GABRB3: variants seen among roughly 807,000 people sequenced by gnomAD.
The protein encoded by GABRB3 is gamma-aminobutyric acid type A receptor subunit beta3, also known as gamma-aminobutyric acid receptor subunit beta-3.
A neutral mutation model predicts 52.1 loss-of-function variants in GABRB3; 14 were observed. That is an observed-to-expected ratio of 0.27 (90% confidence interval 0.18 to 0.42). The LOEUF (loss-of-function observed/expected upper bound fraction) is 0.42, where lower values mean the gene tolerates loss of function less well. Among genes scored for constraint, GABRB3 ranks in the 10% least tolerant of loss-of-function variants. The pLI, the probability that GABRB3 is intolerant of heterozygous loss-of-function variation, is 1.00. For missense variants in GABRB3, 307 were observed against 609.1 expected (o/e 0.50, Z 5.22); for synonymous variants, 260 against 232.3 (o/e 1.12, Z -1.08).
intron 3 of GABRB3, among the ~76,000 whole-genome samples, chr15:26,630,708 A>G (rs984111158): frequency 5.3e-5 from 8 of 152,218 alleles, no homozygotes; most frequent in Admixed American, 5.2e-4. Context: ...TTTGGGGATC[A>G]TAAAGCCCTT....
At chr15:26,714,032 C>T (rs534944449) in intron 3 of GABRB3, among the ~76,000 whole-genome samples, 14 of 152,300 alleles carry the variant, frequency 9.2e-5, no homozygotes, top group Admixed American at 8.5e-4. Flanking sequence ...AAACTCAACA[C>T]GTGCCAGCAA....
chr15:26,725,088 TC>T (rs1305005381), intron 3 of GABRB3, among the ~76,000 whole-genome samples: 2 of 152,078 alleles, frequency 1.3e-5, no homozygotes, highest in African/African-American at 4.8e-5. Context: ...TTAACTGCTG[TC>T]CCCCCATCAC....
At chr15:26,695,644 TAAAG>T (rs935429716) in intron 3 of GABRB3, among the ~76,000 whole-genome samples, 2 of 152,188 alleles carry the variant, frequency 1.3e-5, no homozygotes, top group African/African-American at 4.8e-5. Flanking sequence ...CAGATCTGTA[TAAAG>T]AAAGGGAAAG....
chr15:26,664,777 T>C (rs1246090648), intron 3 of GABRB3, among the ~76,000 whole-genome samples: 1 of 139,954 alleles, frequency 7.1e-6, no homozygotes, highest in Non-Finnish European at 1.5e-5. Flanking sequence ...CAATCTCAGC[T>C]CACCGCAACC....
chr15:26,609,083 TAC>T (rs146501591), intron 4 of GABRB3, among the ~76,000 whole-genome samples: 214 of 143,340 alleles, frequency 1.5e-3, no homozygotes, highest in South Asian at 2.5e-3. Flanking sequence ...TTTTTAATGA[TAC>T]ACACACACAC....
At chr15:26,587,323 C>G (rs186785978) in intron 4 of GABRB3, among the ~76,000 whole-genome samples, 1 of 152,282 alleles carries the variant, frequency 6.6e-6, no homozygotes, top group East Asian at 1.9e-4. Flanking sequence ...TCAGAAAACC[C>G]TCTCAGAGTG....
chr15:26,667,066 GGATT>G (rs1300890653), intron 3 of GABRB3, among the ~76,000 whole-genome samples: 1 of 152,198 alleles, frequency 6.6e-6, no homozygotes, highest in Non-Finnish European at 1.5e-5. Flanking sequence ...AACAGGACAT[GGATT>G]GATTGAGAGC....
intron 4 of GABRB3, among the ~76,000 whole-genome samples, chr15:26,594,312 T>C (rs1891317239): frequency 6.6e-6 from 1 of 152,046 alleles, no homozygotes; most frequent in Non-Finnish European, 1.5e-5. Flanking sequence ...TTCATCATTA[T>C]AATGCGGTCA....
At chr15:26,702,921 T>G (rs1391114978) in intron 3 of GABRB3, among the ~76,000 whole-genome samples, 1 of 152,218 alleles carries the variant, frequency 6.6e-6, no homozygotes, top group Non-Finnish European at 1.5e-5. Context: ...TTTTGGAGGC[T>G]GGAAAGTCCA....
At position 26,698,461 on chromosome 15, in the gene GABRB3, AT is replaced by A. The variant is rs61231216; in HGVS notation, c.240+73940del. On this transcript the variant is annotated intron_variant, in intron 3 of 8. Coordinates refer to ENST00000311550, the MANE Select transcript of GABRB3 (RefSeq NM_000814.6). ...GGGAATCACAATTATATACACATTTATAGGGTACTGCTCTGCAAACATAAAC... is the reference window on the plus strand; with the variant it reads ...GGGAATCACAATTATATACACATTTAAGGGTACTGCTCTGCAAACATAAAC... Among the ~76,000 whole-genome samples the A allele has an allele frequency of 4.2e-3, 645 of 152,346 alleles. 7 individuals carry two copies. Among genetic ancestry groups the A allele is most frequent in the African/African-American group, 0.014 (597 of 41,584 alleles).
chr15:26,684,839 G>A (rs1888352984), intron 3 of GABRB3, among the ~76,000 whole-genome samples: 4 of 152,158 alleles, frequency 2.6e-5, no homozygotes, highest in African/African-American at 2.4e-5. Flanking sequence ...ATCAAGGATC[G>A]CTGCTCACAG....
chr15:26,703,332 C>T (rs1041344655), intron 3 of GABRB3, among the ~76,000 whole-genome samples: 1 of 152,118 alleles, frequency 6.6e-6, no homozygotes, highest in Admixed American at 6.5e-5. Context: ...CAGTCAAGAC[C>T]GTTTGCAAGG....
intron 3 of GABRB3, among the ~76,000 whole-genome samples, chr15:26,769,600 C>A (rs535728129): frequency 6.6e-6 from 1 of 152,278 alleles, no homozygotes; most frequent in Admixed American, 6.5e-5. Flanking sequence ...GCTCATCCAC[C>A]CATTCGTAAC....
intron 3 of GABRB3, among the ~76,000 whole-genome samples, chr15:26,727,471 G>A (rs1889804434): frequency 6.6e-6 from 1 of 152,094 alleles, no homozygotes; most frequent in Non-Finnish European, 1.5e-5. Flanking sequence ...CTTCAATTCT[G>A]TTCTATGCTG....
intron 4 of GABRB3, among the ~76,000 whole-genome samples, chr15:26,604,098 A>T (rs1260881893): frequency 2.0e-5 from 3 of 152,142 alleles, no homozygotes; most frequent in Non-Finnish European, 4.4e-5. Flanking sequence ...CAACATACTA[A>T]ACAAGTAGCA....
intron 3 of GABRB3, among the ~76,000 whole-genome samples, chr15:26,688,398 G>C (rs12593482): frequency 0.073 from 11,054 of 152,214 alleles, 823 homozygotes; most frequent in East Asian, 0.46. Context: ...CTGACTTGAG[G>C]CTGAACCAGC....
At chr15:26,624,275 G>A in intron 3 of GABRB3, 1 of 985,748 alleles carries the variant, frequency 1.0e-6, no homozygotes, top group Admixed American at 6.1e-5. Context: ...ACAAAAGGAG[G>A]ATGTGTTAGT....
chr15:26,768,104 A>T (rs565833506), intron 3 of GABRB3, among the ~76,000 whole-genome samples: 29 of 152,326 alleles, frequency 1.9e-4, no homozygotes, highest in African/African-American at 6.5e-4. Context: ...ATGTCTCATG[A>T]TAACTAAAAA....
Position 26,664,704 on chromosome 15 carries a change from G to GTTTTTTTTTTTTT in GABRB3, c.241-43183_241-43171dup, listed in dbSNP as rs1162139952. Among the ~76,000 whole-genome samples the GTTTTTTTTTTTTT allele has an allele frequency of 6.3e-5, 6 of 95,224 alleles. 1 individual carries two copies. The highest frequency in any genetic ancestry group is 2.9e-4 in the Admixed American group (2 of 6,846). The allele number at this position is 95,224 out of a possible 152,430, so 62.5% of individuals were successfully genotyped here. The stretch of plus-strand genomic sequence containing the variant: ...CCTTATCATTTCTTTTCTTTTCTTT[G>GTTTTTTTTTTTTT]TTTTTTTTTTTTTTTTTTTGGTGGA... On this transcript the variant is annotated intron_variant, in intron 3 of 8. Coordinates refer to ENST00000311550, the MANE Select transcript of GABRB3 (RefSeq NM_000814.6).
Sources: gnomAD v4.1 joint callset for allele counts (sites outside exome capture counted in the v4.1 genomes callset) on GRCh38, gnomAD v4.1.1 for gene constraint, MANE v1.5 for transcripts, NCBI Gene and HGNC (gene_info 2026-07-23, HGNC 2026-07-21) for gene names.